HECW2: variants seen among roughly 807,000 people sequenced by gnomAD.
HECW2 encodes the protein E3 ubiquitin-protein ligase HECW2.
HECW2 carries 61 observed loss-of-function variants against 175.2 expected under a neutral mutation model. The ratio of observed to expected loss-of-function variants is 0.35; its 90% CI spans 0.28 to 0.43. The LOEUF (loss-of-function observed/expected upper bound fraction) is 0.43. Ranked by LOEUF, HECW2 falls within the 20% of genes least tolerant of loss-of-function variation. The pLI is 1.00. For missense variants in HECW2, 1,524 were observed against 2,000.5 expected (o/e 0.76, Z 4.54); for synonymous variants, 671 against 731.0 (o/e 0.92, Z 1.32).
intron 8 of HECW2, 105 bp downstream of exon 8, chr2:196,320,234 A>T (rs1691890201): frequency 1.4e-6 from 1 of 732,618 alleles, no homozygotes; most frequent in East Asian, 2.7e-5. Flanking sequence ...TACTTTCAAA[A>T]CAGAACATGA....
In HECW2 at chr2:196,398,933, T is replaced by C. The variant is rs1694743604; in HGVS notation, c.292+34199A>G. ...AGTTAGAGGCTGCAGTGAGCTGTGA[T>C]TTCACCACTGCACTCCAGCCTGGGC... is the stretch of plus-strand genomic sequence containing the variant. On this transcript the variant is annotated intron_variant, in intron 2 of 28. Transcript: ENST00000644978. Among the ~76,000 whole-genome samples, 2 of 152,166 alleles carry C rather than the reference T, an allele frequency of 1.3e-5. 1 individual carries two copies. Among genetic ancestry groups the C allele is most frequent in the South Asian group, 4.1e-4 (2 of 4,826 alleles).
intron 2 of HECW2, among the ~76,000 whole-genome samples, chr2:196,350,697 C>G (rs6707389): frequency 0.35 from 52,821 of 151,734 alleles, 12,401 homozygotes; most frequent in African/African-American, 0.67. Flanking sequence ...CTGCCATAAG[C>G]AGCTGACGGG....
chr2:196,436,080 G>A (rs1173362745), intron 1 of HECW2, among the ~76,000 whole-genome samples: 1 of 152,164 alleles, frequency 6.6e-6, no homozygotes, highest in Admixed American at 6.5e-5. Context: ...CCCAAGCTTT[G>A]GCCCCATAAC....
intron 19 of HECW2, among the ~76,000 whole-genome samples, chr2:196,253,400 C>A (rs1688930796): frequency 6.6e-6 from 1 of 152,226 alleles, no homozygotes. Context: ...CTCTTTCATT[C>A]AGGCCTATCT....
chr2:196,336,166 A>G (rs982823627), intron 3 of HECW2, among the ~76,000 whole-genome samples: 3 of 152,228 alleles, frequency 2.0e-5, no homozygotes, highest in Admixed American at 2.0e-4. Context: ...CAGGAATTCT[A>G]GCTTTACTAT....
At chr2:196,462,232 T>G (rs182434768) in intron 1 of HECW2, among the ~76,000 whole-genome samples, 1 of 152,298 alleles carries the variant, frequency 6.6e-6, no homozygotes, top group Admixed American at 6.5e-5. Context: ...CAAAATGTAT[T>G]GAAAAGCAGT....
chr2:196,572,961 G>A (rs1347782182), intron 1 of HECW2, among the ~76,000 whole-genome samples: 1 of 152,186 alleles, frequency 6.6e-6, no homozygotes, highest in Non-Finnish European at 1.5e-5. Flanking sequence ...AGTCAGAGCT[G>A]ACTAAGACGT....
chr2:196,526,628 G>C (rs1310075850), intron 1 of HECW2, among the ~76,000 whole-genome samples: 1 of 134,306 alleles, frequency 7.4e-6, no homozygotes, highest in Non-Finnish European at 1.5e-5. Context: ...TTTGGTCTTT[G>C]ATGATGGTGA....
intron 1 of HECW2, among the ~76,000 whole-genome samples, chr2:196,569,697 C>A (rs897659973): frequency 1.3e-5 from 2 of 152,172 alleles, no homozygotes; most frequent in African/African-American, 4.8e-5. Flanking sequence ...AAAGATGTAC[C>A]AGGATGTAGG....
chr2:196,423,430 C>A (rs1449316155), intron 2 of HECW2, among the ~76,000 whole-genome samples: 1 of 152,086 alleles, frequency 6.6e-6, no homozygotes, highest in African/African-American at 2.4e-5. Flanking sequence ...AACGTCAGAG[C>A]TTCTCAAAGT....
chr2:196,533,367 G>A (rs776116869), intron 1 of HECW2, among the ~76,000 whole-genome samples: 1 of 152,168 alleles, frequency 6.6e-6, no homozygotes, highest in African/African-American at 2.4e-5. Flanking sequence ...ACGTGGGATA[G>A]AGCCCCTTCC....
chr2:196,460,221 C>T (rs966808307), intron 1 of HECW2, among the ~76,000 whole-genome samples: 2 of 152,134 alleles, frequency 1.3e-5, no homozygotes, highest in Non-Finnish European at 2.9e-5. Flanking sequence ...TGCATTAGAG[C>T]CACTAACAGT....
chr2:196,526,413 T>C (rs1164389484), intron 1 of HECW2, among the ~76,000 whole-genome samples: 1 of 149,462 alleles, frequency 6.7e-6, no homozygotes, highest in African/African-American at 2.5e-5. Context: ...CTTCTTTGCC[T>C]TTGGTTTGAA....
intron 1 of HECW2, among the ~76,000 whole-genome samples, chr2:196,484,472 C>T (rs761711532): frequency 6.6e-6 from 1 of 152,182 alleles, no homozygotes; most frequent in Non-Finnish European, 1.5e-5. Flanking sequence ...CACCCTGAAC[C>T]TGCAGGACTG....
At chr2:196,515,167 G>A (rs1688104928) in intron 1 of HECW2, among the ~76,000 whole-genome samples, 1 of 152,230 alleles carries the variant, frequency 6.6e-6, no homozygotes, top group African/African-American at 2.4e-5. Context: ...CACAGAGCCG[G>A]CACCTGTGCT....
chr2:196,286,717 T>C (rs1437917572), intron 14 of HECW2, among the ~76,000 whole-genome samples: 1 of 152,198 alleles, frequency 6.6e-6, no homozygotes, highest in Non-Finnish European at 1.5e-5. Context: ...AACAGCTAGA[T>C]TGCTGCATAA....
At chr2:196,318,409 CTCT>C (rs1482421295) in intron 9 of HECW2, 140 bp downstream of exon 9, 1 of 989,502 alleles carries the variant, frequency 1.0e-6, no homozygotes, top group African/African-American at 1.7e-5. Flanking sequence ...AATCTTGCCT[CTCT>C]TCTTGCCTGC....
intron 1 of HECW2, among the ~76,000 whole-genome samples, chr2:196,507,984 AT>A (rs1202299489): frequency 6.6e-6 from 1 of 152,208 alleles, no homozygotes; most frequent in East Asian, 1.9e-4. Flanking sequence ...GCAGGGGTCC[AT>A]TGTTTCAAAC....
intron 17 of HECW2, among the ~76,000 whole-genome samples, chr2:196,267,462 T>TG (rs1313442221): frequency 6.6e-6 from 1 of 152,134 alleles, no homozygotes; most frequent in Non-Finnish European, 1.5e-5. Flanking sequence ...ACACTACCCA[T>TG]TTTACAGATG....
Sources: gnomAD v4.1 joint callset for allele counts (sites outside exome capture counted in the v4.1 genomes callset) on GRCh38, gnomAD v4.1.1 for gene constraint, MANE v1.5 for transcripts, NCBI Gene and HGNC (gene_info 2026-07-23, HGNC 2026-07-21) for gene names.